Variants in LDLRAD3 observed in about 807,000 individuals in gnomAD.
LDLRAD3 encodes the protein low-density lipoprotein receptor class A domain-containing protein 3.
A neutral mutation model predicts 29.4 loss-of-function variants in LDLRAD3; 20 were observed. That is an observed-to-expected ratio of 0.68 (90% CI 0.48 to 0.99). LDLRAD3 has a LOEUF of 0.99. Among genes scored for constraint, LDLRAD3 ranks in the 50% least tolerant of loss-of-function variants. The probability of loss-of-function intolerance (pLI) is 0.00; values close to 1 mark genes in which losing one functional copy is unlikely to be tolerated. For missense variants in LDLRAD3, 420 were observed against 454.3 expected (o/e 0.92, Z 0.69); for synonymous variants, 157 against 192.7 (o/e 0.81, Z 1.53).
chr11:35,975,982 T>C (rs1288348285), intron 1 of LDLRAD3, among the ~76,000 whole-genome samples: 1 of 152,080 alleles, frequency 6.6e-6, no homozygotes, highest in Non-Finnish European at 1.5e-5. Context: ...GAAGATACCC[T>C]GGGCAGGTTG....
At chr11:36,110,092 C>A (rs979374690) in intron 4 of LDLRAD3, 1 of 152,204 alleles carries the variant, frequency 6.6e-6, no homozygotes, top group African/African-American at 2.4e-5. Flanking sequence ...CCTTTGTGTA[C>A]AGGTGGGGTT....
chr11:36,051,156 C>G (rs1852522134), intron 2 of LDLRAD3, among the ~76,000 whole-genome samples: 1 of 152,134 alleles, frequency 6.6e-6, no homozygotes, highest in African/African-American at 2.4e-5. Flanking sequence ...AAATATAGCC[C>G]TGAGGGTAAA....
chr11:36,115,484 C>T (rs987759882), intron 4 of LDLRAD3, among the ~76,000 whole-genome samples: 6 of 152,160 alleles, frequency 3.9e-5, no homozygotes, highest in South Asian at 2.1e-4. Context: ...ACTGGACCCC[C>T]GCTTCCCAAG....
chr11:36,014,357 T>A (rs1164881990), intron 1 of LDLRAD3, among the ~76,000 whole-genome samples: 1 of 152,182 alleles, frequency 6.6e-6, no homozygotes, highest in African/African-American at 2.4e-5. Context: ...GGAATGGTAT[T>A]ACCAGCCTAG....
At chr11:36,027,925 CCTG>C (rs1164922356) in intron 1 of LDLRAD3, among the ~76,000 whole-genome samples, 1 of 152,210 alleles carries the variant, frequency 6.6e-6, no homozygotes, top group Non-Finnish European at 1.5e-5. Context: ...CTCACTTCCT[CCTG>C]CTGCTGCTGA....
intron 1 of LDLRAD3, among the ~76,000 whole-genome samples, chr11:35,965,328 G>A (rs1419832797): frequency 6.6e-6 from 1 of 152,190 alleles, no homozygotes; most frequent in Non-Finnish European, 1.5e-5. Context: ...AGAGCTTGCT[G>A]CAATTGTGCC....
chr11:36,070,940 C>G (rs1554962456), intron 2 of LDLRAD3, among the ~76,000 whole-genome samples: 2 of 152,140 alleles, frequency 1.3e-5, no homozygotes, highest in Non-Finnish European at 1.5e-5. Context: ...GAGCATCTCA[C>G]AGAAGGAGGA....
At chr11:35,958,784 T>C (rs6484803) in intron 1 of LDLRAD3, among the ~76,000 whole-genome samples, 59,064 of 151,962 alleles carry the variant, frequency 0.39, 11,669 homozygotes, top group East Asian at 0.63. Context: ...CTCTCCCTCA[T>C]TGAGATCGAT....
At chr11:36,125,949 C>A (rs917978695) in intron 4 of LDLRAD3, among the ~76,000 whole-genome samples, 6 of 152,160 alleles carry the variant, frequency 3.9e-5, no homozygotes, top group Admixed American at 3.9e-4. Context: ...GATAGAGAAG[C>A]TGTAGGCTTA....
At chr11:36,201,742 TCTC>T (rs1405431684) in intron 4 of LDLRAD3, among the ~76,000 whole-genome samples, 1 of 152,230 alleles carries the variant, frequency 6.6e-6, no homozygotes, top group Non-Finnish European at 1.5e-5. Context: ...TGTGTTGTAG[TCTC>T]CTCAAACTAT....
chr11:36,014,250 T>C (rs1195736643), intron 1 of LDLRAD3, among the ~76,000 whole-genome samples: 2 of 152,196 alleles, frequency 1.3e-5, no homozygotes, highest in African/African-American at 4.8e-5. Flanking sequence ...AGAAGCTGTT[T>C]TGTGGGAACA....
intron 1 of LDLRAD3, among the ~76,000 whole-genome samples, chr11:36,021,585 A>T (rs888488057): frequency 6.6e-6 from 1 of 152,188 alleles, no homozygotes; most frequent in Non-Finnish European, 1.5e-5. Context: ...GGAGAGAGTG[A>T]TGGTGGTGGG....
chr11:36,053,947 T>A (rs923914822), intron 2 of LDLRAD3, among the ~76,000 whole-genome samples: 1 of 152,216 alleles, frequency 6.6e-6, no homozygotes. Flanking sequence ...AGTCCATCCA[T>A]CCTGCACTCT....
At chr11:36,158,176 G>C (rs115129146) in intron 4 of LDLRAD3, among the ~76,000 whole-genome samples, 1,902 of 152,232 alleles carry the variant, frequency 0.012, 42 homozygotes, top group African/African-American at 0.044. Context: ...CAGTGGGATA[G>C]TCTATGAAGA....
At chr11:36,093,004 G>A (rs1028171469) in intron 3 of LDLRAD3, among the ~76,000 whole-genome samples, 3 of 152,178 alleles carry the variant, frequency 2.0e-5, no homozygotes, top group African/African-American at 4.8e-5. Flanking sequence ...TTGACAAGGT[G>A]GAATGCTAGG....
chr11:36,078,444 T>C (rs1033301821), intron 2 of LDLRAD3, among the ~76,000 whole-genome samples: 2 of 152,206 alleles, frequency 1.3e-5, no homozygotes, highest in African/African-American at 2.4e-5. Flanking sequence ...GGCAGGGGAC[T>C]TGTGTGTCAG....
intron 3 of LDLRAD3, 95 bp downstream of exon 3, chr11:36,081,873 C>G: frequency 7.0e-7 from 1 of 1,429,932 alleles, no homozygotes; most frequent in South Asian, 1.3e-5. Flanking sequence ...CTTCTTATAC[C>G]TAGAGGCTCA....
chr11:36,036,364 T>C (rs1323957396), intron 2 of LDLRAD3, 115 bp downstream of exon 2: 17 of 1,205,984 alleles, frequency 1.4e-5, no homozygotes, highest in Non-Finnish European at 2.0e-5. Context: ...CTGGTGGTTT[T>C]GTGCCTCTTG....
intron 4 of LDLRAD3, among the ~76,000 whole-genome samples, chr11:36,220,891 G>T (rs184404054): frequency 6.6e-6 from 1 of 152,102 alleles, no homozygotes; most frequent in African/African-American, 2.4e-5. Flanking sequence ...TATGCCTAAG[G>T]TGTACCTCAA....
Sources: allele counts gnomAD v4.1 joint callset (sites outside exome capture counted in the v4.1 genomes callset), GRCh38; gene constraint gnomAD v4.1.1; transcripts MANE v1.5; gene names NCBI Gene and HGNC (gene_info 2026-07-23, HGNC 2026-07-21).